Variants in CAGE1 observed in about 807,000 individuals in gnomAD.
CAGE1 encodes cancer antigen 1.
CAGE1 carries 66 observed loss-of-function variants against 94.9 expected under a neutral mutation model. The ratio of observed to expected loss-of-function variants is 0.70; its 90% CI spans 0.57 to 0.85. CAGE1 has a LOEUF of 0.85. Among genes scored for constraint, CAGE1 ranks in the 40% least tolerant of loss-of-function variants. CAGE1 has a pLI of 0.00. For missense variants in CAGE1, 865 were observed against 950.4 expected, an observed-to-expected ratio of 0.91 and a Z score of 1.18; for synonymous variants, 319 against 321.0, an observed-to-expected ratio of 0.99 and a Z score of 0.07.
chr6:7,335,810 C>G (rs1758935310), intron 11 of CAGE1, among the ~76,000 whole-genome samples: 1 of 152,224 alleles, frequency 6.6e-6, no homozygotes, highest in African/African-American at 2.4e-5. Flanking sequence ...CTCCTGGCCT[C>G]AAGCTATCTT....
chr6:7,367,502 T>C (rs1426165714), intron 7 of CAGE1, among the ~76,000 whole-genome samples: 1 of 152,104 alleles, frequency 6.6e-6, no homozygotes, highest in Non-Finnish European at 1.5e-5. Flanking sequence ...CTCAAACTCC[T>C]GGGCTCAGGC....
chr6:7,385,309 C>CTTTTT (rs34599762), intron 3 of CAGE1, among the ~76,000 whole-genome samples: 1 of 147,586 alleles, frequency 6.8e-6, no homozygotes, highest in Admixed American at 6.8e-5. Context: ...CTGGCCCCCG[C>CTTTTT]TTTTTTTTTT....
At chr6:7,352,691 A>G (rs947552068) in intron 11 of CAGE1, among the ~76,000 whole-genome samples, 1 of 152,238 alleles carries the variant, frequency 6.6e-6, no homozygotes, top group Non-Finnish European at 1.5e-5. Flanking sequence ...TGGTATAAAA[A>G]TAGGCACATA....
In CAGE1 at chr6:7,378,812, T is replaced by G. The variant is rs900099113; in HGVS notation, c.492A>C (p.Glu164Asp). 1 of 1,613,518 alleles carries G rather than the reference T, an allele frequency of 6.2e-7. No individual in the cohort carries two copies. Among genetic ancestry groups the G allele is most frequent in the Non-Finnish European group, 8.5e-7 (1 of 1,179,756 alleles). Residue 164 changes from glutamate to aspartate, a missense_variant, in exon 4 of 14, where the codon GAA (glutamate) becomes GAC (aspartate). Glu to Asp is a conservative substitution (Grantham distance 45). Coordinates refer to ENST00000502583, the MANE Select transcript of CAGE1 (RefSeq NM_001170692.2). The stretch of plus-strand genomic sequence containing the variant: ...CAGAAACACTAGTTTCCATTGGATT[T>G]TCTTCCTTAAATGAGTCTTGCTTTA... ...NNIKQDSFKE[E>D]NPMETSVSAN...
Position 7,373,347 on chromosome 6 carries a change from A to T in CAGE1, c.1472T>A (p.Phe491Tyr), listed in dbSNP as rs1175223058. The T allele has an allele frequency of 6.2e-7, 1 of 1,612,476 alleles. No homozygotes were observed. Among genetic ancestry groups the T allele is most frequent in the Admixed American group, 1.7e-5 (1 of 59,750 alleles). Reference sequence around the variant, plus strand: ...CAGGTTTTCCTTTTCAAGTTTCTGGAATTCCTCCTGTAAAGACAAGAACTC... The same window carrying T: ...CAGGTTTTCCTTTTCAAGTTTCTGGTATTCCTCCTGTAAAGACAAGAACTC... ...EQEFLSLQEE[F>Y]QKLEKENLEE... is the part of the protein sequence containing the mutation. Residue 491 changes from phenylalanine (F) to tyrosine (Y), a missense_variant, in exon 5 of 14, where the codon TTC (phenylalanine) becomes TAC (tyrosine). By Grantham distance (22) the Phe-to-Tyr change is conservative. Coordinates refer to ENST00000502583, the MANE Select transcript of CAGE1 (RefSeq NM_001170692.2).
rs555434458 is a variant in CAGE1 at position 7,357,528 on chromosome 6, C to T, written c.2194-1399G>A. Among the ~76,000 whole-genome samples, 9 of 152,124 alleles carry T rather than the reference C, an allele frequency of 5.9e-5. No homozygotes were observed. The South Asian group carries it at 1.7e-3, about 28-fold the overall frequency. ...GATCAAAATAACAACCCTTTTAAGT[C>T]TGCAGATGGATTTTTTTTTAATTTG... On this transcript the variant is annotated intron_variant, in intron 9 of 13. Transcript: ENST00000502583.
At chr6:7,359,098 G>A (rs1288164003) in intron 9 of CAGE1, among the ~76,000 whole-genome samples, 1 of 151,962 alleles carries the variant, frequency 6.6e-6, no homozygotes, top group South Asian at 2.1e-4. Context: ...CCAGGCTGGA[G>A]TGCAATGGCA....
At chr6:7,350,809 G>A (rs147067102) in intron 11 of CAGE1, among the ~76,000 whole-genome samples, 73 of 152,070 alleles carry the variant, frequency 4.8e-4, no homozygotes, top group Non-Finnish European at 3.8e-4. Flanking sequence ...TCAAAAAGAC[G>A]GAAAGAGCAC....
Position 7,389,440 on chromosome 6 carries a change from G to C in CAGE1, c.-262C>G. 2.4e-6 allele frequency: 1 copy of C among 418,524 alleles called. No individual in the cohort carries two copies. Among genetic ancestry groups the C allele is most frequent in the Non-Finnish European group, 4.8e-6 (1 of 208,112 alleles). The allele number at this position is 418,524 out of a possible 1,614,324, so 25.9% of individuals were successfully genotyped here. ...CCGGAGTGCTGGAACGCCCCTGTGT[G>C]ACGTCCGCCCGCGCCGGGGGAACTC... On this transcript the variant is annotated 5_prime_UTR_variant, in exon 1 of 14. Transcript: ENST00000502583.
intron 5 of CAGE1, among the ~76,000 whole-genome samples, chr6:7,372,606 T>G (rs190487669): frequency 2.6e-5 from 4 of 152,306 alleles, no homozygotes; most frequent in Admixed American, 2.6e-4. Flanking sequence ...TGAATATTCA[T>G]GAACCAAAAG....
rs1292782876 is a variant in CAGE1, at chr6:7,328,910, GTGTGTGTGTA to G, written c.2478+929_2478+938del. The stretch of plus-strand genomic sequence containing the variant: ...TGTGTGTGTGTGTGTGTGTGTGTGT[GTGTGTGTGTA>G]TATATATATATATATTTTTTTTTTT... On this transcript the variant is annotated intron_variant, in intron 13 of 13. Transcript: ENST00000502583. 8.1e-3 allele frequency among the ~76,000 whole-genome samples: 575 copies of G among 71,398 alleles called. 5 individuals are homozygous for G. Among genetic ancestry groups the G allele is most frequent in the African/African-American group, 0.033 (538 of 16,204 alleles). 46.8% of individuals were successfully genotyped at this position (71,398 alleles called of 152,430 possible).
intron 12 of CAGE1, chr6:7,331,335 G>GT: frequency 2.8e-6 from 3 of 1,058,186 alleles, no homozygotes; most frequent in African/African-American, 1.6e-5. Flanking sequence ...AAAGAGACCC[G>GT]TAAGTCTGGA....
intron 13 of CAGE1, 123 bp from the exon 14 acceptor site, chr6:7,327,022 AG>A: frequency 2.8e-6 from 2 of 711,364 alleles, no homozygotes; most frequent in Non-Finnish European, 5.1e-6. Context: ...GCCTATAGAT[AG>A]ATGAATTCCA....
At chr6:7,357,195 A>C (rs1193709333) in intron 9 of CAGE1, among the ~76,000 whole-genome samples, 1 of 152,214 alleles carries the variant, frequency 6.6e-6, no homozygotes, top group African/African-American at 2.4e-5. Context: ...TCTTTCTCTT[A>C]TATGAATAAA....
In CAGE1 at chr6:7,342,146, G is replaced by A. The variant is rs926709269; in HGVS notation, c.2370-8056C>T. ...AAGGCAGCTTCACAATCACTCAGTTGGGGAACTGGATCAGGCTGCCTGGAC... is the reference window on the plus strand; with the variant it reads ...AAGGCAGCTTCACAATCACTCAGTTAGGGAACTGGATCAGGCTGCCTGGAC... On this transcript the variant is annotated intron_variant, in intron 11 of 13. Coordinates refer to ENST00000502583, the MANE Select transcript of CAGE1 (RefSeq NM_001170692.2). 7.9e-6 allele frequency: 8 copies of A among 1,009,388 alleles called. No homozygotes were observed. The African/African-American group carries it at 1.3e-4, about 16-fold the overall frequency. 62.5% of individuals were successfully genotyped at this position (1,009,388 alleles called of 1,614,324 possible).
chr6:7,374,110 T>C lies in CAGE1; in HGVS notation c.709A>G (p.Ile237Val). The change falls in exon 5 of 14, where the codon ATA (isoleucine) becomes GTA (valine). Residue 237 changes from isoleucine to valine, a missense_variant. Ile to Val is a conservative substitution (Grantham distance 29). Transcript: ENST00000502583. ...LCKTAVPSKEIQNYGEIPEMS... is the reference protein window; with the variant it reads ...LCKTAVPSKEVQNYGEIPEMS... ...TCAGGAATCTCCCCATAATTCTGTA[T>C]TTCTTTTGAAGGAACTGCAGTCTGT... The C allele has an allele frequency of 6.2e-7, 1 of 1,612,670 alleles. No individual in the cohort carries two copies. Among genetic ancestry groups the C allele is most frequent in the South Asian group, 1.1e-5 (1 of 91,006 alleles).
intron 11 of CAGE1, among the ~76,000 whole-genome samples, chr6:7,336,989 G>C (rs1048537993): frequency 2.2e-4 from 34 of 152,076 alleles, no homozygotes; most frequent in African/African-American, 8.2e-4. Flanking sequence ...TGTTCTTCCA[G>C]ACTATGGCTT....
intron 1 of CAGE1, among the ~76,000 whole-genome samples, chr6:7,388,686 G>A (rs994383159): frequency 3.7e-4 from 56 of 152,282 alleles, no homozygotes; most frequent in African/African-American, 1.3e-3. Context: ...TGAATGAATA[G>A]TTTATTGAAA....
chr6:7,373,551 C>G lies in CAGE1; in HGVS notation c.1268G>C (p.Arg423Thr), dbSNP rs770902760. 1 of 1,613,444 alleles carries G rather than the reference C, an allele frequency of 6.2e-7. No individual in the cohort carries two copies. Among genetic ancestry groups the G allele is most frequent in the Admixed American group, 1.7e-5 (1 of 59,952 alleles). Residue 423 changes from arginine to threonine, a missense_variant, in exon 5 of 14, where the codon AGG becomes ACG. Transcript: ENST00000502583. ...IKANYVCLQERYMTEMQQKNK... is the reference protein window; with the variant it reads ...IKANYVCLQETYMTEMQQKNK... ...TTTTTGTTGCATTTCAGTCATGTAC[C>G]TTTCCTGTAAACACACATAATTAGC...
Sources: gnomAD v4.1 joint callset for allele counts (sites outside exome capture counted in the v4.1 genomes callset) on GRCh38, gnomAD v4.1.1 for gene constraint, MANE v1.5 for transcripts, NCBI Gene and HGNC (gene_info 2026-07-23, HGNC 2026-07-21) for gene names.